The following PWWP2A variants were observed in gnomAD, a reference collection of about 807,000 sequenced individuals.
PWWP2A encodes PWWP domain-containing protein 2A.
In PWWP2A, 18 loss-of-function variants were observed where a neutral mutation model predicts 48.5. The observed-to-expected ratio is 0.37, with a 90% CI of 0.26 to 0.55. The LOEUF (loss-of-function observed/expected upper bound fraction) is 0.55, where lower values mean the gene tolerates loss of function less well. Ranked by LOEUF, PWWP2A falls within the 20% of genes least tolerant of loss-of-function variation. The pLI is 0.81. For missense variants in PWWP2A, 867 were observed against 976.4 expected, an observed-to-expected ratio of 0.89 and a Z score of 1.49; for synonymous variants, 396 against 387.7, an observed-to-expected ratio of 1.02 and a Z score of -0.25.
At chr5:160,103,688 A>C (rs1368494008) in intron 1 of PWWP2A, among the ~76,000 whole-genome samples, 3 of 152,170 alleles carry the variant, frequency 2.0e-5, no homozygotes, top group African/African-American at 2.4e-5. Flanking sequence ...GAATATTATT[A>C]AGGATTCAGA....
At chr5:160,079,817 C>G (rs1233965392) in intron 3 of PWWP2A, among the ~76,000 whole-genome samples, 1 of 152,216 alleles carries the variant, frequency 6.6e-6, no homozygotes, top group Non-Finnish European at 1.5e-5. Context: ...ACCACTCCTA[C>G]GCAGATAAGT....
intron 1 of PWWP2A, among the ~76,000 whole-genome samples, chr5:160,104,759 C>T (rs1015609535): frequency 2.6e-5 from 4 of 151,908 alleles, no homozygotes; most frequent in Admixed American, 6.6e-5. Flanking sequence ...GAGCCAAGAT[C>T]GTGCCACTGC....
the PWWP2A span, among the ~76,000 whole-genome samples, chr5:160,053,469 TGGGA>T: frequency 6.6e-6 from 1 of 151,986 alleles, no homozygotes; most frequent in Non-Finnish European, 1.5e-5. Flanking sequence ...GAGGCTGCTG[TGGGA>T]GGATCACTTG....
chr5:160,084,981 A>G (rs560309539), intron 2 of PWWP2A, among the ~76,000 whole-genome samples: 1 of 152,226 alleles, frequency 6.6e-6, no homozygotes, highest in South Asian at 2.1e-4. Context: ...GTAAAAAAAA[A>G]AAGAAAAAGA....
At chr5:160,085,849 C>T (rs779420257) in intron 2 of PWWP2A, among the ~76,000 whole-genome samples, 1 of 149,000 alleles carries the variant, frequency 6.7e-6, no homozygotes, top group Non-Finnish European at 1.5e-5. Context: ...GATGGAGTCT[C>T]ACTCTGTCAT....
At chr5:160,090,111 C>A, downstream of PWWP2A, 1 of 985,208 alleles carries the variant, frequency 1.0e-6, no homozygotes, top group Non-Finnish European at 1.2e-6. Context: ...ATATGCTCAA[C>A]CTTTTCCTCA....
At chr5:160,070,659 T>TA (rs1753719968) in intron 2 of PWWP2A, among the ~76,000 whole-genome samples, 2 of 152,156 alleles carry the variant, frequency 1.3e-5, no homozygotes, top group South Asian at 4.1e-4. Flanking sequence ...ATACCATGTC[T>TA]AAATGTGGAG....
chr5:160,114,557 A>G (rs971845800), intron 1 of PWWP2A, among the ~76,000 whole-genome samples: 1 of 152,082 alleles, frequency 6.6e-6, no homozygotes, highest in Non-Finnish European at 1.5e-5. Context: ...GAGGTCAGGA[A>G]TTCAAAGACC....
At chr5:160,095,480 A>T (rs935969974) in intron 1 of PWWP2A, among the ~76,000 whole-genome samples, 3 of 152,112 alleles carry the variant, frequency 2.0e-5, no homozygotes, top group Admixed American at 6.6e-5. Flanking sequence ...TAGCATGTTG[A>T]CTATATGCAC....
chr5:160,110,882 T>G (rs1240990619), intron 1 of PWWP2A, among the ~76,000 whole-genome samples: 1 of 148,776 alleles, frequency 6.7e-6, no homozygotes, highest in African/African-American at 2.5e-5. Context: ...AATACAAAAA[T>G]TACCCGGGCT....
In PWWP2A at chr5:160,119,359, C is replaced by A. The variant is rs1362258601; in HGVS notation, c.30G>T (p.Ala10=). 8.7e-6 allele frequency: 12 copies of A among 1,383,292 alleles called. No individual in the cohort carries two copies. Among genetic ancestry groups the A allele is most frequent in the South Asian group, 3.3e-5 (2 of 61,282 alleles). 85.7% of individuals were successfully genotyped at this position (1,383,292 alleles called of 1,614,324 possible). ...CCCCCTCCCCGGGGGACGCTGCAGT[C>A]GCTGCCGCCTCTGCAGCCACGGCCG... MAAVAAEAA[A]TAASPGEGGA... is the part of the protein sequence containing the mutation. Residue 10 remains alanine, a synonymous_variant, in exon 1 of 2, where the codon GCG becomes GCT. Transcript: ENST00000307063.
At chr5:160,046,449 G>A in the PWWP2A span, among the ~76,000 whole-genome samples, 3 of 151,684 alleles carry the variant, frequency 2.0e-5, no homozygotes, top group Non-Finnish European at 2.9e-5. Context: ...CAACATTTTG[G>A]AAGTCTCTAG....
intron 1 of PWWP2A, among the ~76,000 whole-genome samples, chr5:160,114,578 A>G (rs981543452): frequency 3.3e-5 from 5 of 152,130 alleles, no homozygotes; most frequent in Admixed American, 2.6e-4. Flanking sequence ...AGCCTGGCCA[A>G]CACAGTAAAA....
At chr5:160,060,509 G>A (rs1342768035), downstream of PWWP2A, among the ~76,000 whole-genome samples, 1 of 152,196 alleles carries the variant, frequency 6.6e-6, no homozygotes, top group Non-Finnish European at 1.5e-5. Flanking sequence ...TATTCAGGCT[G>A]AGTGATGGTG....
chr5:160,114,768 TAAAAAAA>T (rs56276633), intron 1 of PWWP2A, among the ~76,000 whole-genome samples: 2 of 129,022 alleles, frequency 1.6e-5, no homozygotes, highest in South Asian at 2.5e-4. Flanking sequence ...GTCTCAAGGG[TAAAAAAA>T]AAAAAAAAAA....
intron 3 of PWWP2A, chr5:160,066,755 GC>G (rs1315676810): frequency 6.6e-6 from 1 of 151,914 alleles, no homozygotes; most frequent in African/African-American, 2.4e-5. Context: ...TTTATGTCAG[GC>G]CAGGAACGAT....
chr5:160,118,044 T>A (rs1328732291), intron 1 of PWWP2A: 1 of 175,872 alleles, frequency 5.7e-6, no homozygotes, highest in African/African-American at 2.4e-5. Flanking sequence ...TAAGCCAAAT[T>A]TGTAGATGAA....
chr5:160,051,071 G>T, the PWWP2A span: 1 of 1,365,900 alleles, frequency 7.3e-7, no homozygotes, highest in Non-Finnish European at 9.9e-7. Context: ...AAAATAAAGG[G>T]AAAGGTTTTG....
At chr5:160,053,239 T>C in the PWWP2A span, among the ~76,000 whole-genome samples, 2 of 152,210 alleles carry the variant, frequency 1.3e-5, no homozygotes, top group African/African-American at 4.8e-5. Context: ...ATCATCTTTA[T>C]GCTAGTTCCT....
Sources: allele counts gnomAD v4.1 joint callset (sites outside exome capture counted in the v4.1 genomes callset), GRCh38; gene constraint gnomAD v4.1.1; transcripts MANE v1.5; gene names NCBI Gene and HGNC (gene_info 2026-07-23, HGNC 2026-07-21).